The following ENTREP1 variants were observed in gnomAD, a reference collection of about 807,000 sequenced individuals.
The protein encoded by ENTREP1 is endosomal transmembrane epsin interactor 1.
the ENTREP1 span, chr9:69,385,954 T>C: frequency 6.6e-5 from 105 of 1,595,800 alleles, no homozygotes; most frequent in Admixed American, 2.0e-4. Context: ...AGAGGTGATG[T>C]CATTCCCCAA....
chr9:69,370,182 A>G, the ENTREP1 span, among the ~76,000 whole-genome samples: 1 of 152,034 alleles, frequency 6.6e-6, no homozygotes, highest in African/African-American at 2.4e-5. Context: ...GGCATTGTAT[A>G]TTATCGTAAA....
the ENTREP1 span, among the ~76,000 whole-genome samples, chr9:69,335,516 T>C: frequency 6.6e-5 from 10 of 152,066 alleles, no homozygotes; most frequent in Non-Finnish European, 1.2e-4. Context: ...GGAGGGCAGG[T>C]ACTTGGTAGG....
the ENTREP1 span, among the ~76,000 whole-genome samples, chr9:69,339,433 C>G: frequency 6.6e-6 from 1 of 152,156 alleles, no homozygotes; most frequent in African/African-American, 2.4e-5. Context: ...AGAGTAGCAT[C>G]CCTGTGTGCA....
the ENTREP1 span, among the ~76,000 whole-genome samples, chr9:69,358,787 A>G: frequency 1.3e-5 from 2 of 152,152 alleles, no homozygotes; most frequent in South Asian, 2.1e-4. Context: ...GGAAAAATAT[A>G]TGTTATTTCT....
the ENTREP1 span, chr9:69,383,570 A>G: frequency 2.5e-6 from 4 of 1,604,450 alleles, no homozygotes; most frequent in East Asian, 4.5e-5. Context: ...TCCGGGCATC[A>G]CTGCAGTCAC....
At chr9:69,377,852 A>G in the ENTREP1 span, 1 of 1,323,974 alleles carries the variant, frequency 7.6e-7, no homozygotes, top group Non-Finnish European at 1.0e-6. Context: ...TTGAAAAAGA[A>G]AAAGAAAAAT....
At chr9:69,375,709 A>AT in the ENTREP1 span, 518 of 1,509,082 alleles carry the variant, frequency 3.4e-4, no homozygotes, top group African/African-American at 6.2e-4. Flanking sequence ...TAATTAAAGT[A>AT]TTTTTTTTTA....
chr9:69,355,867 T>C, the ENTREP1 span, among the ~76,000 whole-genome samples: 1 of 152,204 alleles, frequency 6.6e-6, no homozygotes, highest in Non-Finnish European at 1.5e-5. Context: ...TGGTGGCTGG[T>C]TTCTGAGATG....
At chr9:69,361,080 A>C in the ENTREP1 span, among the ~76,000 whole-genome samples, 2 of 134,852 alleles carry the variant, frequency 1.5e-5, no homozygotes, top group Non-Finnish European at 3.2e-5. Flanking sequence ...TTCTGGGTCC[A>C]AAGCTGTGGT....
the ENTREP1 span, among the ~76,000 whole-genome samples, chr9:69,384,645 T>C: frequency 6.6e-6 from 1 of 152,210 alleles, no homozygotes; most frequent in Non-Finnish European, 1.5e-5. Context: ...AGTTTACATT[T>C]ATCCTTGTAC....
At chr9:69,383,199 A>C in the ENTREP1 span, 1 of 833,106 alleles carries the variant, frequency 1.2e-6, no homozygotes, top group Non-Finnish European at 1.4e-6. Context: ...AATTAACCAA[A>C]GTATATGATT....
At chr9:69,344,898 T>G in the ENTREP1 span, among the ~76,000 whole-genome samples, 1 of 152,212 alleles carries the variant, frequency 6.6e-6, no homozygotes, top group Non-Finnish European at 1.5e-5. Context: ...AGCTACCTGA[T>G]AGTCTTGCAA....
the ENTREP1 span, among the ~76,000 whole-genome samples, chr9:69,389,765 C>T: frequency 1.1e-4 from 16 of 152,276 alleles, no homozygotes; most frequent in Admixed American, 2.0e-4. Flanking sequence ...AAGTCTTGCT[C>T]CCTGAGAAAT....
At chr9:69,340,809 G>GCGCGCA in the ENTREP1 span, among the ~76,000 whole-genome samples, 14 of 52,344 alleles carry the variant, frequency 2.7e-4, 1 homozygote, top group African/African-American at 1.0e-3. Flanking sequence ...GCATGTGTGT[G>GCGCGCA]TGTATGTGTG....
chr9:69,371,742 A>G, the ENTREP1 span: 3 of 655,404 alleles, frequency 4.6e-6, no homozygotes, highest in Non-Finnish European at 8.2e-6. Flanking sequence ...GGGAAGTGGG[A>G]AAACAAAACA....
chr9:69,385,842 A>G, the ENTREP1 span: 3 of 1,602,128 alleles, frequency 1.9e-6, no homozygotes, highest in Admixed American at 1.7e-5. Context: ...ATCCACCTCA[A>G]CTCCCAGTTC....
chr9:69,371,604 G>A, the ENTREP1 span: 37 of 1,604,544 alleles, frequency 2.3e-5, no homozygotes, highest in Non-Finnish European at 3.1e-5. Flanking sequence ...GCCCAGGTGT[G>A]ATCTGGTAAG....
the ENTREP1 span, chr9:69,377,512 C>T: frequency 4.2e-5 from 67 of 1,608,088 alleles, 1 homozygote; most frequent in Middle Eastern, 1.7e-4. Context: ...GCCACGTTTC[C>T]GCTGAGCCAG....
chr9:69,342,207 TC>T, the ENTREP1 span, among the ~76,000 whole-genome samples: 1 of 152,214 alleles, frequency 6.6e-6, no homozygotes, highest in Non-Finnish European at 1.5e-5. Context: ...TTTTCCAGGT[TC>T]TTTCATATAC....
Sources: gnomAD v4.1 joint callset for allele counts (sites outside exome capture counted in the v4.1 genomes callset) on GRCh38, gnomAD v4.1.1 for gene constraint, MANE v1.5 for transcripts, NCBI Gene and HGNC (gene_info 2026-07-23, HGNC 2026-07-21) for gene names.